IFNGR2: variants seen among roughly 807,000 people sequenced by gnomAD.
IFNGR2 encodes interferon gamma receptor 2.
In IFNGR2, 15 loss-of-function variants were observed where a neutral mutation model predicts 41.1. The ratio of observed to expected loss-of-function variants is 0.37; its 90% CI spans 0.24 to 0.56. IFNGR2 has a LOEUF of 0.56. Ranked by LOEUF, IFNGR2 falls within the 20% of genes least tolerant of loss-of-function variation. The probability of loss-of-function intolerance (pLI) is 0.81; values close to 1 mark genes in which losing one functional copy is unlikely to be tolerated. For missense variants in IFNGR2, 362 were observed against 415.7 expected (o/e 0.87, Z 1.12); for synonymous variants, 161 against 171.6 (o/e 0.94, Z 0.48).
intron 3 of IFNGR2, among the ~76,000 whole-genome samples, chr21:33,422,432 A>C (rs1373745717): frequency 6.6e-6 from 1 of 152,182 alleles, no homozygotes; most frequent in Non-Finnish European, 1.5e-5. Flanking sequence ...CACCGTCTAG[A>C]TATTTGATAT....
intron 4 of IFNGR2, among the ~76,000 whole-genome samples, chr21:33,428,242 T>C (rs1304233579): frequency 6.6e-6 from 1 of 151,630 alleles, no homozygotes; most frequent in East Asian, 1.9e-4. Context: ...TGTTCTTTTT[T>C]TGAGACAGTC....
chr21:33,434,388 G>C (rs961040944), intron 6 of IFNGR2, among the ~76,000 whole-genome samples: 1 of 152,118 alleles, frequency 6.6e-6, no homozygotes, highest in South Asian at 2.1e-4. Context: ...CGGGCGTGGT[G>C]GTGGGCGCCT....
At chr21:33,415,358 CG>C (rs1269053680) in intron 2 of IFNGR2, among the ~76,000 whole-genome samples, 2 of 152,278 alleles carry the variant, frequency 1.3e-5, no homozygotes, top group East Asian at 3.9e-4. Flanking sequence ...TCTTCATCTT[CG>C]GGCTTAAAAA....
chr21:33,408,892 G>A (rs1193427498), intron 1 of IFNGR2, among the ~76,000 whole-genome samples: 1 of 152,050 alleles, frequency 6.6e-6, no homozygotes, highest in Non-Finnish European at 1.5e-5. Flanking sequence ...AAGAAAAGAA[G>A]AAAAGGCCAG....
At chr21:33,423,252 G>A (rs1342533513) in intron 3 of IFNGR2, among the ~76,000 whole-genome samples, 2 of 151,850 alleles carry the variant, frequency 1.3e-5, no homozygotes, top group African/African-American at 2.4e-5. Flanking sequence ...TGTTAGCCAG[G>A]ATGGTCTTGA....
chr21:33,434,707 C>T (rs1159063843), intron 6 of IFNGR2, among the ~76,000 whole-genome samples: 2 of 152,076 alleles, frequency 1.3e-5, no homozygotes, highest in Non-Finnish European at 2.9e-5. Flanking sequence ...TCACTTGTTC[C>T]TTCATCTGCC....
intron 3 of IFNGR2, among the ~76,000 whole-genome samples, chr21:33,422,551 T>C (rs1052481238): frequency 6.6e-6 from 1 of 152,184 alleles, no homozygotes; most frequent in African/African-American, 2.4e-5. Context: ...TTATGTTATG[T>C]GTATTTTACC....
chr21:33,428,208 C>A (rs1371999935), intron 4 of IFNGR2, among the ~76,000 whole-genome samples: 3 of 95,216 alleles, frequency 3.2e-5, no homozygotes, highest in African/African-American at 1.8e-4. Flanking sequence ...ACTTCTCCTT[C>A]ATTTTTTTTT....
intron 3 of IFNGR2, among the ~76,000 whole-genome samples, chr21:33,426,619 C>T (rs2083838025): frequency 6.6e-6 from 1 of 151,858 alleles, no homozygotes; most frequent in Non-Finnish European, 1.5e-5. Flanking sequence ...ACTTGAGAGG[C>T]TGATGCAAGA....
chr21:33,417,317 T>C lies in IFNGR2; in HGVS notation c.206+2297T>C, dbSNP rs567916778. Among the ~76,000 whole-genome samples, 10 of 152,282 alleles carry C rather than the reference T, an allele frequency of 6.6e-5. No homozygotes were observed. In the East Asian group the frequency reaches 1.9e-3, roughly 29 times the overall value. On this transcript the variant is annotated intron_variant, in intron 2 of 6. Transcript: ENST00000290219. ...GTTGCCCAGGCTGGCCTCGAACTCC[T>C]GGGCTCAAGTGATCCACCCACCTCA...
chr21:33,419,819 C>T (rs2083779311), intron 2 of IFNGR2, among the ~76,000 whole-genome samples: 1 of 152,088 alleles, frequency 6.6e-6, no homozygotes, highest in Admixed American at 6.5e-5. Context: ...CTCTTGAGTC[C>T]CAGGGACAGG....
rs2300372 is a variant in IFNGR2 at position 33,412,149 on chromosome 21, C to T, written c.74-2739C>T. Among the ~76,000 whole-genome samples, 1,242 of 152,200 alleles carry T rather than the reference C, an allele frequency of 8.2e-3. 58 individuals are homozygous for T. In the East Asian group the frequency reaches 0.13, roughly 16 times the overall value. ...AATGTGTTACAGTGATAAGAAGAAC[C>T]TAATACAGGAAATAAAAGGAGTTGT... On this transcript the variant is annotated intron_variant, in intron 1 of 6. Transcript: ENST00000290219.
At chr21:33,403,838 G>A (rs540319225) in intron 1 of IFNGR2, among the ~76,000 whole-genome samples, 5 of 152,130 alleles carry the variant, frequency 3.3e-5, no homozygotes, top group Non-Finnish European at 7.4e-5. Context: ...AGGGCTAGAG[G>A]GGCCCGCTGG....
In IFNGR2 at chr21:33,436,904, CTG is replaced by C; in HGVS notation, c.960_961del (p.Ser321HisfsTer62). On this transcript the variant is annotated frameshift_variant, in exon 7 of 7. Transcript: ENST00000290219. LOFTEE classifies it high-confidence loss of function. ...TCACCAAAGGATGACGTCTGGGACT[CTG>C]TGTCCATTATCTCGTTTCCGGAAAA... is the stretch of plus-strand genomic sequence containing the variant. The C allele has an allele frequency of 6.2e-7, 1 of 1,613,980 alleles. No individual in the cohort carries two copies. Among genetic ancestry groups the C allele is most frequent in the Non-Finnish European group, 8.5e-7 (1 of 1,179,878 alleles).
chr21:33,429,864 C>T (rs908846427), intron 4 of IFNGR2, among the ~76,000 whole-genome samples: 4 of 152,150 alleles, frequency 2.6e-5, no homozygotes, highest in Non-Finnish European at 4.4e-5. Flanking sequence ...CCAGGCTGGG[C>T]GCGGTGGCTT....
chr21:33,435,625 CTGT>C (rs1178994562), intron 6 of IFNGR2, among the ~76,000 whole-genome samples: 97 of 152,230 alleles, frequency 6.4e-4, no homozygotes, highest in Admixed American at 1.3e-3. Flanking sequence ...TGGCTCATGC[CTGT>C]AATCCCAGCA....
At chr21:33,415,604 T>G (rs748242832) in intron 2 of IFNGR2, among the ~76,000 whole-genome samples, 1 of 152,242 alleles carries the variant, frequency 6.6e-6, no homozygotes, top group Non-Finnish European at 1.5e-5. Flanking sequence ...GTTTACGTTG[T>G]TAAGTAGGTT....
Position 33,426,983 on chromosome 21 carries a change from C to T in IFNGR2, c.512C>T (p.Ala171Val). 1 of 1,613,636 alleles carries T rather than the reference C, an allele frequency of 6.2e-7. No homozygotes were observed. The highest frequency in any genetic ancestry group is 8.5e-7 in the Non-Finnish European group (1 of 1,179,666). Residue 171 changes from alanine to valine, a missense_variant, in exon 4 of 7, where the codon GCC (alanine) becomes GTC (valine). Transcript: ENST00000290219. ...SPFDIADTST[A>V]FFCYYVHYWE... ...TTTGACATCGCTGATACCTCCACGGCCTTTTTTTGTTATTATGTCCATTAC... is the reference window on the plus strand; with the variant it reads ...TTTGACATCGCTGATACCTCCACGGTCTTTTTTTGTTATTATGTCCATTAC...
At chr21:33,405,474 G>T (rs2083671240) in intron 1 of IFNGR2, among the ~76,000 whole-genome samples, 1 of 152,126 alleles carries the variant, frequency 6.6e-6, no homozygotes, top group Non-Finnish European at 1.5e-5. Flanking sequence ...CTCCTCCCTA[G>T]GCCTCCTCCT....
Sources: allele counts gnomAD v4.1 joint callset (sites outside exome capture counted in the v4.1 genomes callset), GRCh38; gene constraint gnomAD v4.1.1; transcripts MANE v1.5; gene names NCBI Gene and HGNC (gene_info 2026-07-23, HGNC 2026-07-21).